PLS3: variants seen among roughly 807,000 people sequenced by gnomAD.
The protein encoded by PLS3 is plastin-3.
In PLS3, 11 loss-of-function variants were observed where a neutral mutation model predicts 46.5. That is an observed-to-expected ratio of 0.24 (90% CI 0.15 to 0.39). PLS3 has a LOEUF of 0.39. PLS3 is among the 10% of genes least tolerant of loss of function. The pLI is 1.00. For missense variants in PLS3, 308 were observed against 461.8 expected, an observed-to-expected ratio of 0.67 and a Z score of 3.05; for synonymous variants, 167 against 162.2, an observed-to-expected ratio of 1.03 and a Z score of -0.22.
chrX:115,583,160 C>T (rs2074288721), intron 1 of PLS3, among the ~76,000 whole-genome samples: 1 of 112,404 alleles, frequency 8.9e-6, no homozygotes, highest in Non-Finnish European at 1.9e-5. Flanking sequence ...TGAATTACAC[C>T]TGGCAAAGGA....
At chrX:115,647,827 A>G (rs2074967888) in intron 14 of PLS3, 66 bp from the exon 15 acceptor site, 23 of 1,180,107 alleles carry the variant, frequency 1.9e-5, no homozygotes, top group South Asian at 3.7e-5. Flanking sequence ...TTGGCACTTG[A>G]TATAAGTAAG....
At chrX:115,591,606 G>A (rs782594915) in intron 1 of PLS3, among the ~76,000 whole-genome samples, 1 of 111,846 alleles carries the variant, frequency 8.9e-6, no homozygotes, top group South Asian at 3.8e-4. Flanking sequence ...AAAAGGTAAG[G>A]CTGGGGAAAA....
rs782005227 is a variant in PLS3 at position 115,616,868 on chromosome X, TCTAA to T, written c.74-5372_74-5369del. ...CTAAGAAAGGCTTGATAAAATTGAC[TCTAA>T]CTAACACTAAAATGCCTTTGATCAT... On this transcript the variant is annotated intron_variant, in intron 2 of 15. Transcript: ENST00000355899. Among the ~76,000 whole-genome samples, 129 of 111,830 alleles carry T rather than the reference TCTAA, an allele frequency of 1.2e-3. 1 individual carries two copies. In the South Asian group the frequency reaches 0.024, roughly 20 times the overall value.
At chrX:115,586,176 G>A (rs1439800286) in intron 1 of PLS3, among the ~76,000 whole-genome samples, 1 of 105,968 alleles carries the variant, frequency 9.4e-6, no homozygotes, top group African/African-American at 3.4e-5. Context: ...CCGGAGACGG[G>A]GTTTCTCCAT....
At chrX:115,602,111 C>T (rs10156995) in intron 1 of PLS3, among the ~76,000 whole-genome samples, 1,647 of 111,485 alleles carry the variant, frequency 0.015, 21 homozygotes, top group African/African-American at 0.047. Context: ...TCAAGCCTCA[C>T]CTCGGAAAAA....
intron 7 of PLS3, among the ~76,000 whole-genome samples, chrX:115,636,325 G>C (rs1350284831): frequency 9.3e-6 from 1 of 107,005 alleles, no homozygotes; most frequent in Non-Finnish European, 1.9e-5. Context: ...TCCTGCCTCA[G>C]CCTCCCAAGT....
intron 1 of PLS3, among the ~76,000 whole-genome samples, chrX:115,567,059 C>T (rs1256219532): frequency 8.9e-6 from 1 of 111,988 alleles, no homozygotes; most frequent in Non-Finnish European, 1.9e-5. Flanking sequence ...GTGTTTTTCC[C>T]CTTTTTAACT....
Position 115,569,090 on chromosome X carries a change from T to C in PLS3, c.-9+7830T>C, listed in dbSNP as rs2074196930. On this transcript the variant is annotated intron_variant, in intron 1 of 15. Coordinates refer to ENST00000355899, the MANE Select transcript of PLS3 (RefSeq NM_005032.7). ...AAAGAAAAGGCCATTCTTTATATAG[T>C]GTATTGTATCATATGTGACTCTAAA... Among the ~76,000 whole-genome samples the C allele has an allele frequency of 2.7e-5, 3 of 109,371 alleles. No homozygotes were observed. In the South Asian group the frequency reaches 1.2e-3, roughly 42 times the overall value. The allele number at this position is 109,371 out of a possible 115,157, so 95.0% of individuals were successfully genotyped here.
chrX:115,620,695 T>C (rs1375299879), intron 2 of PLS3, among the ~76,000 whole-genome samples: 3 of 106,570 alleles, frequency 2.8e-5, no homozygotes, highest in South Asian at 4.1e-4. Flanking sequence ...TTTTTCTTTT[T>C]TTTTTCTTTT....
chrX:115,581,461 T>G lies in PLS3; in HGVS notation c.-9+20201T>G, dbSNP rs2147429896. Among the ~76,000 whole-genome samples the G allele has an allele frequency of 1.8e-5, 2 of 112,347 alleles. 1 individual carries two copies. Among genetic ancestry groups the G allele is most frequent in the South Asian group, 7.4e-4 (2 of 2,717 alleles). On this transcript the variant is annotated intron_variant, in intron 1 of 15. Transcript: ENST00000355899. ...TTACAAAAAGCATCTGATAAACTTC[T>G]TAATTTAAAAGAACACTCAGAAATT...
chrX:115,608,100 G>C (rs1489467542), intron 1 of PLS3, among the ~76,000 whole-genome samples: 1 of 111,785 alleles, frequency 8.9e-6, no homozygotes, highest in Non-Finnish European at 1.9e-5. Context: ...TTAAAGTTCT[G>C]TTTTATTGAG....
chrX:115,623,755 G>C (rs1290253290), intron 3 of PLS3, among the ~76,000 whole-genome samples: 1 of 111,153 alleles, frequency 9.0e-6, no homozygotes, highest in Non-Finnish European at 1.9e-5. Flanking sequence ...TTTTCCCCAA[G>C]ACAACTGAAA....
intron 1 of PLS3, among the ~76,000 whole-genome samples, chrX:115,564,766 A>T (rs1295721133): frequency 8.9e-6 from 1 of 112,042 alleles, no homozygotes; most frequent in Non-Finnish European, 1.9e-5. Flanking sequence ...TTCTTTTTTG[A>T]TGTTTGGTAC....
At chrX:115,625,708 G>C (rs2074703896) in intron 3 of PLS3, among the ~76,000 whole-genome samples, 1 of 110,886 alleles carries the variant, frequency 9.0e-6, no homozygotes, top group Admixed American at 9.7e-5. Context: ...TTGGAAATAA[G>C]CCCCAAACAC....
At position 115,634,217 on chromosome X, in the gene PLS3, T is replaced by C. The variant is rs782639336; in HGVS notation, c.582+136T>C. 26 of 451,378 alleles carry C rather than the reference T, an allele frequency of 5.8e-5. No homozygotes were observed. The Middle Eastern group carries it at 2.5e-3, about 43-fold the overall frequency. 37.2% of individuals were successfully genotyped at this position (451,378 alleles called of 1,213,427 possible). ...TTGAGTGTGGGATTGTTATCCAGAT[T>C]ATACAGACAGAACTGGGACTCAGAA... On this transcript the variant is annotated intron_variant, in intron 6 of 15. Transcript: ENST00000355899.
At chrX:115,634,844 G>C (rs2074814061) in intron 6 of PLS3, 37 bp from the exon 7 acceptor site, 1 of 1,165,803 alleles carries the variant, frequency 8.6e-7, no homozygotes, top group African/African-American at 1.8e-5. Context: ...AAAATGGAAA[G>C]GTCAAGAAGC....
chrX:115,609,262 C>T (rs1445544535), intron 1 of PLS3, among the ~76,000 whole-genome samples: 2 of 110,574 alleles, frequency 1.8e-5, no homozygotes, highest in Non-Finnish European at 3.8e-5. Flanking sequence ...TCTTTATTGC[C>T]AGGATCAGCA....
At chrX:115,601,005 A>G (rs1483471808) in intron 1 of PLS3, among the ~76,000 whole-genome samples, 1 of 111,496 alleles carries the variant, frequency 9.0e-6, no homozygotes. Flanking sequence ...GTACTGATAG[A>G]GGAGAATCCA....
At chrX:115,568,454 T>C (rs2074191439) in intron 1 of PLS3, among the ~76,000 whole-genome samples, 1 of 112,354 alleles carries the variant, frequency 8.9e-6, no homozygotes, top group South Asian at 3.7e-4. Context: ...TATTACATTA[T>C]AAACATGTTT....
Sources: gnomAD v4.1 joint callset for allele counts (sites outside exome capture counted in the v4.1 genomes callset) on GRCh38, gnomAD v4.1.1 for gene constraint, MANE v1.5 for transcripts, NCBI Gene and HGNC (gene_info 2026-07-23, HGNC 2026-07-21) for gene names.